Variants in EPHB1 observed in about 807,000 individuals in gnomAD.
EPHB1 encodes the protein ephrin type-B receptor 1.
In EPHB1, 30 loss-of-function variants were observed where a neutral mutation model predicts 94.4. That is an observed-to-expected ratio of 0.32 (90% confidence interval 0.24 to 0.43). The LOEUF is 0.43. Among genes scored for constraint, EPHB1 ranks in the 20% least tolerant of loss-of-function variants. The probability of loss-of-function intolerance (pLI) is 1.00; values close to 1 mark genes in which losing one functional copy is unlikely to be tolerated. For synonymous variants in EPHB1, 522 were observed against 489.1 expected, an observed-to-expected ratio of 1.07 and a Z score of -0.89; for missense variants, 1,055 against 1,308.3, an observed-to-expected ratio of 0.81 and a Z score of 2.99.
At chr3:134,974,648 T>C (rs1461726219) in intron 3 of EPHB1, among the ~76,000 whole-genome samples, 3 of 151,258 alleles carry the variant, frequency 2.0e-5, no homozygotes, top group East Asian at 1.9e-4. Context: ...CTCTACCTCT[T>C]GTGTGAAGAG....
intron 4 of EPHB1, among the ~76,000 whole-genome samples, chr3:135,106,828 CAT>C (rs902354236): frequency 1.3e-5 from 2 of 152,156 alleles, no homozygotes; most frequent in Non-Finnish European, 2.9e-5. Context: ...CCCTTCTTCC[CAT>C]ATAAGAGGAC....
intron 3 of EPHB1, among the ~76,000 whole-genome samples, chr3:135,004,513 T>G (rs1009163877): frequency 2.8e-4 from 42 of 152,310 alleles, no homozygotes; most frequent in African/African-American, 7.7e-4. Context: ...CCTGCCTTGC[T>G]AGATTTGGGA....
intron 3 of EPHB1, among the ~76,000 whole-genome samples, chr3:135,088,983 A>G (rs1369999538): frequency 6.6e-6 from 1 of 152,226 alleles, no homozygotes; most frequent in Non-Finnish European, 1.5e-5. Flanking sequence ...AAACAACTCT[A>G]TGAGACAGGG....
chr3:135,065,790 G>A (rs1937573297), intron 3 of EPHB1, among the ~76,000 whole-genome samples: 2 of 152,090 alleles, frequency 1.3e-5, no homozygotes, highest in African/African-American at 4.8e-5. Context: ...TGTTTTATAG[G>A]TTCTGTGAGA....
chr3:134,906,016 G>A (rs6782258), intron 1 of EPHB1, among the ~76,000 whole-genome samples: 27,612 of 152,172 alleles, frequency 0.18, 2,844 homozygotes, highest in Non-Finnish European at 0.24. Flanking sequence ...TCTTCCGAGA[G>A]CCCAGGGCCC....
At chr3:134,825,981 C>A (rs1435569510) in intron 1 of EPHB1, among the ~76,000 whole-genome samples, 3 of 151,912 alleles carry the variant, frequency 2.0e-5, no homozygotes, top group Admixed American at 2.0e-4. Flanking sequence ...GTGGCTCACA[C>A]CTGTAATCTC....
intron 3 of EPHB1, among the ~76,000 whole-genome samples, chr3:135,022,554 A>G (rs146173289): frequency 1.2e-3 from 183 of 152,268 alleles, no homozygotes; most frequent in Middle Eastern, 3.4e-3. Flanking sequence ...TGTCCTTATA[A>G]TTGACCTCTT....
intron 12 of EPHB1, among the ~76,000 whole-genome samples, chr3:135,215,232 C>T (rs1053819572): frequency 6.6e-5 from 10 of 151,742 alleles, no homozygotes; most frequent in African/African-American, 2.2e-4. Context: ...GGTGCAATCT[C>T]GGCTCACCGC....
At chr3:135,000,031 T>TG (rs1471157197) in intron 3 of EPHB1, among the ~76,000 whole-genome samples, 1 of 152,214 alleles carries the variant, frequency 6.6e-6, no homozygotes, top group Non-Finnish European at 1.5e-5. Flanking sequence ...GTCCCCAGGC[T>TG]GGTACTCACC....
intron 3 of EPHB1, among the ~76,000 whole-genome samples, chr3:135,068,149 C>G (rs1937608051): frequency 6.6e-6 from 1 of 152,156 alleles, no homozygotes; most frequent in Non-Finnish European, 1.5e-5. Context: ...CATTCTGGAG[C>G]TAAAATTCAT....
At chr3:135,183,672 G>T (rs1307309187) in intron 10 of EPHB1, among the ~76,000 whole-genome samples, 2 of 152,184 alleles carry the variant, frequency 1.3e-5, no homozygotes, top group African/African-American at 2.4e-5. Context: ...GATGGCAGGA[G>T]AGGACTCAGG....
At chr3:134,941,752 G>GACACACACAC (rs3067391) in intron 2 of EPHB1, among the ~76,000 whole-genome samples, 1,439 of 134,764 alleles carry the variant, frequency 0.011, 38 homozygotes, top group African/African-American at 0.028. Flanking sequence ...TATGCACACA[G>GACACACACAC]ACACACACAC....
At chr3:135,014,117 C>A (rs1935712544) in intron 3 of EPHB1, among the ~76,000 whole-genome samples, 1 of 152,156 alleles carries the variant, frequency 6.6e-6, no homozygotes, top group Non-Finnish European at 1.5e-5. Flanking sequence ...TTCCCTCCTA[C>A]TTCTGGGGAG....
At chr3:134,917,515 C>CTG (rs1197935610) in intron 1 of EPHB1, among the ~76,000 whole-genome samples, 2 of 152,220 alleles carry the variant, frequency 1.3e-5, no homozygotes, top group African/African-American at 4.8e-5. Flanking sequence ...TCTTTCTATG[C>CTG]TGTGACCCAT....
chr3:135,103,644 T>C lies in EPHB1; in HGVS notation c.806-2804T>C, dbSNP rs114968999. Among the ~76,000 whole-genome samples, 693 of 152,344 alleles carry C rather than the reference T, an allele frequency of 4.5e-3. 4 individuals are homozygous for C. The highest frequency in any genetic ancestry group is 0.016 in the African/African-American group (661 of 41,570). ...AGCAAATTGAGGCTCTGAGGGATGA[T>C]ATAACTTGCCAGTGTTCACCAAGCT... On this transcript the variant is annotated intron_variant, in intron 3 of 15. Coordinates refer to ENST00000398015, the MANE Select transcript of EPHB1 (RefSeq NM_004441.5).
At chr3:134,820,750 G>A (rs2036364706) in intron 1 of EPHB1, among the ~76,000 whole-genome samples, 1 of 152,122 alleles carries the variant, frequency 6.6e-6, no homozygotes, top group Admixed American at 6.5e-5. Flanking sequence ...AACTCTCCAT[G>A]CTTCCTCCTG....
chr3:135,101,472 C>T (rs556014092), intron 3 of EPHB1, among the ~76,000 whole-genome samples: 2 of 152,154 alleles, frequency 1.3e-5, no homozygotes, highest in African/African-American at 4.8e-5. Context: ...GTCCTGGGTT[C>T]AAGCGATTCT....
chr3:135,022,336 T>G (rs1936015739), intron 3 of EPHB1, among the ~76,000 whole-genome samples: 2 of 152,220 alleles, frequency 1.3e-5, no homozygotes, highest in Non-Finnish European at 2.9e-5. Flanking sequence ...AATTTCTCTC[T>G]CTTTTTTTAG....
chr3:135,223,785 T>A (rs1034943883), intron 12 of EPHB1, among the ~76,000 whole-genome samples: 2 of 152,186 alleles, frequency 1.3e-5, no homozygotes, highest in Non-Finnish European at 2.9e-5. Flanking sequence ...TTGAATAAAA[T>A]TTCAAAAAAT....
Sources: gnomAD v4.1 joint callset for allele counts (sites outside exome capture counted in the v4.1 genomes callset) on GRCh38, gnomAD v4.1.1 for gene constraint, MANE v1.5 for transcripts, NCBI Gene and HGNC (gene_info 2026-07-23, HGNC 2026-07-21) for gene names.